TENM2: variants seen among roughly 807,000 people sequenced by gnomAD.
TENM2 encodes teneurin-2.
In TENM2, 52 loss-of-function variants were observed where a neutral mutation model predicts 245.2. The observed-to-expected ratio is 0.21, with a 90% CI of 0.17 to 0.27. The LOEUF is 0.27. Ranked by LOEUF, TENM2 falls within the 10% of genes least tolerant of loss-of-function variation. The pLI is 1.00. For synonymous variants in TENM2, 1,363 were observed against 1,438.9 expected (o/e 0.95, Z 1.19); for missense variants, 3,046 against 3,666.8 (o/e 0.83, Z 4.37).
the TENM2 span, among the ~76,000 whole-genome samples, chr5:167,272,620 A>G: frequency 6.6e-6 from 1 of 152,146 alleles, no homozygotes; most frequent in African/African-American, 2.4e-5. Context: ...TCCCTTCTAG[A>G]CTATCTTCTT....
chr5:167,836,009 C>G (rs978986285), intron 2 of TENM2, among the ~76,000 whole-genome samples: 1 of 152,088 alleles, frequency 6.6e-6, no homozygotes, highest in Admixed American at 6.6e-5. Context: ...TTTGAACCAG[C>G]CTGCACTACA....
At chr5:168,065,002 C>A in intron 7 of TENM2, among the ~76,000 whole-genome samples, 1 of 152,276 alleles carries the variant, frequency 6.6e-6, no homozygotes, top group Non-Finnish European at 1.5e-5. Context: ...AGGCGACTGA[C>A]GTCTCGAACT....
chr5:167,350,499 C>T (rs1218832686), intron 1 of TENM2, among the ~76,000 whole-genome samples: 3 of 141,766 alleles, frequency 2.1e-5, no homozygotes, highest in Admixed American at 7.3e-5. Context: ...TATATATATA[C>T]AAGATATATA....
chr5:167,195,817 T>C, the TENM2 span, among the ~76,000 whole-genome samples: 1 of 151,940 alleles, frequency 6.6e-6, no homozygotes, highest in Non-Finnish European at 1.5e-5. Flanking sequence ...TAAGGGCTAT[T>C]TATGCTTTAT....
At chr5:167,924,136 C>T (rs1242891347) in intron 3 of TENM2, among the ~76,000 whole-genome samples, 1 of 152,172 alleles carries the variant, frequency 6.6e-6, no homozygotes, top group East Asian at 1.9e-4. Flanking sequence ...GCTCAGGGAT[C>T]TGGTTGCATC....
intron 26 of TENM2, among the ~76,000 whole-genome samples, chr5:168,245,588 A>C (rs1404042364): frequency 1.6e-4 from 25 of 151,712 alleles, no homozygotes; most frequent in Admixed American, 1.6e-3. Context: ...AAAAAAAAAA[A>C]AAGGTCCCTT....
intron 2 of TENM2, among the ~76,000 whole-genome samples, chr5:167,858,525 T>C (rs1160979641): frequency 3.9e-5 from 6 of 152,186 alleles, no homozygotes; most frequent in African/African-American, 1.4e-4. Context: ...CTATGATTAT[T>C]TGAAAACAAC....
chr5:167,917,661 T>C (rs1310321168), intron 3 of TENM2, among the ~76,000 whole-genome samples: 1 of 152,102 alleles, frequency 6.6e-6, no homozygotes, highest in Non-Finnish European at 1.5e-5. Flanking sequence ...TAAAAATCCA[T>C]GTAAAGCACT....
chr5:167,120,973 T>A, the TENM2 span, among the ~76,000 whole-genome samples: 1 of 151,948 alleles, frequency 6.6e-6, no homozygotes, highest in Non-Finnish European at 1.5e-5. Flanking sequence ...ACTCATGGCA[T>A]TAATGAGCTA....
chr5:168,063,488 A>G (rs1790224777), intron 7 of TENM2, among the ~76,000 whole-genome samples: 1 of 152,298 alleles, frequency 6.6e-6, no homozygotes, highest in South Asian at 2.1e-4. Context: ...GTATGCCCTC[A>G]AATCCAGGAA....
chr5:167,455,891 C>G (rs900144730), intron 2 of TENM2, among the ~76,000 whole-genome samples: 1 of 152,106 alleles, frequency 6.6e-6, no homozygotes, highest in Admixed American at 6.5e-5. Flanking sequence ...CATAGATTGT[C>G]CATATAATAA....
At chr5:167,028,485 T>A in the TENM2 span, among the ~76,000 whole-genome samples, 1 of 152,160 alleles carries the variant, frequency 6.6e-6, no homozygotes, top group Admixed American at 6.6e-5. Flanking sequence ...TTTTATTCTT[T>A]GCCAATCTAC....
At chr5:167,348,825 G>T (rs1452769870) in intron 1 of TENM2, among the ~76,000 whole-genome samples, 1 of 152,078 alleles carries the variant, frequency 6.6e-6, no homozygotes, top group East Asian at 1.9e-4. Flanking sequence ...TGCCTTCTTG[G>T]CATCGTCAGA....
chr5:167,606,557 G>C (rs1017452079), intron 2 of TENM2, among the ~76,000 whole-genome samples: 1 of 152,130 alleles, frequency 6.6e-6, no homozygotes, highest in Non-Finnish European at 1.5e-5. Context: ...TGGAGGGCTA[G>C]GGCTTCAACA....
intron 2 of TENM2, among the ~76,000 whole-genome samples, chr5:167,653,054 A>G (rs2150294963): frequency 6.6e-6 from 1 of 152,214 alleles, no homozygotes; most frequent in South Asian, 2.1e-4. Context: ...TTTTCAGCAA[A>G]AAATGATTGA....
chr5:167,851,432 G>A (rs1377366690), intron 2 of TENM2, among the ~76,000 whole-genome samples: 1 of 152,036 alleles, frequency 6.6e-6, no homozygotes, highest in Non-Finnish European at 1.5e-5. Flanking sequence ...ATTTTTCACG[G>A]TTTCATGCAC....
At chr5:167,734,104 T>C (rs1760632020) in intron 2 of TENM2, among the ~76,000 whole-genome samples, 1 of 152,196 alleles carries the variant, frequency 6.6e-6, no homozygotes, top group Admixed American at 6.5e-5. Context: ...GGATTTTCTG[T>C]AATTTAGGAA....
rs1042569302 is a variant in TENM2, at chr5:167,880,944, T to A, written c.712+4749T>A. ...CACCATTCAGGACCTGAAAAGCAGATGTTCTGTGTTACAGATTCGTCCTGA... is the reference window on the plus strand; with the variant it reads ...CACCATTCAGGACCTGAAAAGCAGAAGTTCTGTGTTACAGATTCGTCCTGA... On this transcript the variant is annotated intron_variant, in intron 3 of 28. Coordinates refer to ENST00000518659, the Ensembl canonical transcript of TENM2. Among the ~76,000 whole-genome samples the A allele has an allele frequency of 5.9e-5, 9 of 152,314 alleles. 1 individual carries two copies. The South Asian group carries it at 1.2e-3, about 21-fold the overall frequency.
chr5:167,530,946 C>T (rs1771454690), intron 2 of TENM2, among the ~76,000 whole-genome samples: 1 of 152,174 alleles, frequency 6.6e-6, no homozygotes. Flanking sequence ...GAAGAGGGTA[C>T]AGGACTGGAC....
Sources: allele counts gnomAD v4.1 joint callset (sites outside exome capture counted in the v4.1 genomes callset), GRCh38; gene constraint gnomAD v4.1.1; transcripts MANE v1.5; gene names NCBI Gene and HGNC (gene_info 2026-07-23, HGNC 2026-07-21).